Variants in TUSC3 observed in about 807,000 individuals in gnomAD.
TUSC3 encodes dolichyl-diphosphooligosaccharide--protein glycosyltransferase subunit TUSC3.
Under a neutral mutation model 44.8 loss-of-function variants are expected in TUSC3, and 45 were observed. The observed-to-expected ratio is 1.00, with a 90% CI of 0.79 to 1.29. The LOEUF (loss-of-function observed/expected upper bound fraction) is 1.29. TUSC3 is among the 50% of genes most tolerant of loss of function. TUSC3 has a pLI of 0.00. For missense variants in TUSC3, 519 were observed against 437.9 expected, an observed-to-expected ratio of 1.19 and a Z score of -1.65; for synonymous variants, 212 against 152.9, an observed-to-expected ratio of 1.39 and a Z score of -2.85.
At chr8:15,689,344 G>T (rs1223289390) in intron 6 of TUSC3, 2 of 258,370 alleles carry the variant, frequency 7.7e-6, no homozygotes, top group Non-Finnish European at 1.5e-5. Flanking sequence ...AACAGCATCT[G>T]GACTCCCAGC....
rs76548938 is a variant in TUSC3, at chr8:15,588,374, A to G, written c.139-34706A>G. ...GTGTATCTTCTTTTTCGAAATGTCT[A>G]TTCAGATCTTTTGCTCATTTTAGTA... On this transcript the variant is annotated intron_variant, in intron 1 of 10. Coordinates refer to ENST00000503731, the MANE Select transcript of TUSC3 (RefSeq NM_006765.4). 2.0e-4 allele frequency among the ~76,000 whole-genome samples: 31 copies of G among 152,090 alleles called. No individual in the cohort carries two copies. In the East Asian group the frequency reaches 5.4e-3, roughly 27 times the overall value.
chr8:15,639,375 T>A (rs999238976), intron 2 of TUSC3, among the ~76,000 whole-genome samples: 1 of 152,224 alleles, frequency 6.6e-6, no homozygotes, highest in Non-Finnish European at 1.5e-5. Flanking sequence ...TTTTATTGAA[T>A]GAAATGAATG....
chr8:15,802,528 T>A, the TUSC3 span, among the ~76,000 whole-genome samples: 1 of 152,130 alleles, frequency 6.6e-6, no homozygotes, highest in Non-Finnish European at 1.5e-5. Flanking sequence ...TTCAAGTGAT[T>A]CTCCTGCCTC....
the TUSC3 span, among the ~76,000 whole-genome samples, chr8:15,795,098 C>G: frequency 6.6e-6 from 1 of 152,106 alleles, no homozygotes; most frequent in African/African-American, 2.4e-5. Flanking sequence ...TTAATTGAGG[C>G]TATTACCAAC....
the TUSC3 span, among the ~76,000 whole-genome samples, chr8:15,776,029 G>T: frequency 6.6e-6 from 1 of 151,922 alleles, no homozygotes; most frequent in South Asian, 2.1e-4. Context: ...CTGTAGAAAA[G>T]ATGTGTTCAT....
chr8:15,615,969 C>T (rs1804970064), intron 1 of TUSC3, among the ~76,000 whole-genome samples: 1 of 152,072 alleles, frequency 6.6e-6, no homozygotes, highest in South Asian at 2.1e-4. Flanking sequence ...GTAGCTAGGA[C>T]CACGTGAACA....
intron 1 of TUSC3, among the ~76,000 whole-genome samples, chr8:15,470,501 T>G (rs1437825600): frequency 6.6e-6 from 1 of 152,152 alleles, no homozygotes; most frequent in Non-Finnish European, 1.5e-5. Flanking sequence ...ATATGTACCA[T>G]TCTGATGTGT....
chr8:15,502,521 C>G (rs765577207), intron 2 of TUSC3, among the ~76,000 whole-genome samples: 1 of 152,162 alleles, frequency 6.6e-6, no homozygotes, highest in Non-Finnish European at 1.5e-5. Flanking sequence ...GACGGAGTCT[C>G]GCTCTGTCGC....
At position 15,424,985 on chromosome 8, in the gene TUSC3, A is replaced by C. The variant is rs952531389; in HGVS notation, n.91+7680A>C. On this transcript the variant is annotated intron_variant and non_coding_transcript_variant, in intron 1 of 5. Coordinates refer to the TUSC3 transcript ENST00000503191. ...ATCGGTGATGGCATTGTATATTACAAAGGTCTTTAAAATGTGCTATTTGCA... is the reference window on the plus strand; with the variant it reads ...ATCGGTGATGGCATTGTATATTACACAGGTCTTTAAAATGTGCTATTTGCA... 3.9e-5 allele frequency among the ~76,000 whole-genome samples: 6 copies of C among 152,176 alleles called. 1 individual carries two copies. Among genetic ancestry groups the C allele is most frequent in the Non-Finnish European group, 8.8e-5 (6 of 68,032 alleles).
At chr8:15,630,760 C>A (rs1805724101) in intron 2 of TUSC3, among the ~76,000 whole-genome samples, 1 of 152,124 alleles carries the variant, frequency 6.6e-6, no homozygotes, top group African/African-American at 2.4e-5. Flanking sequence ...CTTGTATGAT[C>A]ATGAAAAGCT....
chr8:15,805,593 A>G, the TUSC3 span, among the ~76,000 whole-genome samples: 5 of 151,862 alleles, frequency 3.3e-5, no homozygotes, highest in Non-Finnish European at 7.4e-5. Context: ...TGATCACGTG[A>G]TTTTTGTTTT....
chr8:15,593,248 G>T lies in TUSC3; in HGVS notation c.139-29832G>T, dbSNP rs192809772. Among the ~76,000 whole-genome samples the T allele has an allele frequency of 4.5e-4, 68 of 152,072 alleles. No individual in the cohort carries two copies. In the East Asian group the frequency reaches 0.013, roughly 29 times the overall value. On this transcript the variant is annotated intron_variant, in intron 1 of 10. Transcript: ENST00000503731. ...TTATTGGCTCGTGCCACCACACCTGGCTAATTTTTGTAGTTTTAGTAGAGA... is the reference window on the plus strand; with the variant it reads ...TTATTGGCTCGTGCCACCACACCTGTCTAATTTTTGTAGTTTTAGTAGAGA...
intron 1 of TUSC3, among the ~76,000 whole-genome samples, chr8:15,465,356 T>C (rs547365498): frequency 6.6e-6 from 1 of 152,212 alleles, no homozygotes; most frequent in African/African-American, 2.4e-5. Context: ...TAGCACAAAG[T>C]AGGGAGAGGT....
At chr8:15,692,670 T>TTTTC (rs1045375997) in intron 6 of TUSC3, among the ~76,000 whole-genome samples, 1 of 151,706 alleles carries the variant, frequency 6.6e-6, no homozygotes, top group African/African-American at 2.4e-5. Flanking sequence ...GCTTTTTTTT[T>TTTTC]TTTCTATTTC....
chr8:15,703,217 A>T (rs1809478812), intron 6 of TUSC3, among the ~76,000 whole-genome samples: 1 of 152,168 alleles, frequency 6.6e-6, no homozygotes, highest in Non-Finnish European at 1.5e-5. Context: ...AGGGGACATT[A>T]GTATAGGTAT....
At chr8:15,760,939 G>A (rs1287494308) in intron 10 of TUSC3, among the ~76,000 whole-genome samples, 12 of 152,042 alleles carry the variant, frequency 7.9e-5, no homozygotes, top group Admixed American at 2.0e-4. Context: ...TTGTAACACC[G>A]TCATCATCTC....
intron 6 of TUSC3, among the ~76,000 whole-genome samples, chr8:15,729,002 G>T (rs941528985): frequency 3.3e-5 from 5 of 152,048 alleles, no homozygotes; most frequent in Non-Finnish European, 5.9e-5. Flanking sequence ...TGGTAATGGG[G>T]GAGTCCATTG....
intron 1 of TUSC3, among the ~76,000 whole-genome samples, chr8:15,431,848 AT>A (rs1799877231): frequency 2.3e-5 from 1 of 42,646 alleles, no homozygotes; most frequent in African/African-American, 3.7e-5. Context: ...TTCTCTACCT[AT>A]TATGTTCAGC....
chr8:15,571,165 G>T (rs573252570), intron 1 of TUSC3, among the ~76,000 whole-genome samples: 8 of 151,652 alleles, frequency 5.3e-5, no homozygotes, highest in Non-Finnish European at 7.4e-5. Flanking sequence ...TGTTGGCCAG[G>T]CTGGTCTCGA....
Sources: gnomAD v4.1 joint callset for allele counts (sites outside exome capture counted in the v4.1 genomes callset) on GRCh38, gnomAD v4.1.1 for gene constraint, MANE v1.5 for transcripts, NCBI Gene and HGNC (gene_info 2026-07-23, HGNC 2026-07-21) for gene names.